The following RIMBP2 variants were observed in gnomAD, a reference collection of about 807,000 sequenced individuals.
RIMBP2 encodes the protein RIMS binding protein 2, also known as RIMS-binding protein 2.
A neutral mutation model predicts 118.6 loss-of-function variants in RIMBP2; 48 were observed. That is an observed-to-expected ratio of 0.40 (90% CI 0.32 to 0.51). The LOEUF is 0.51. Among genes scored for constraint, RIMBP2 ranks in the 20% least tolerant of loss-of-function variants. The pLI is 0.41. For synonymous variants in RIMBP2, 762 were observed against 742.9 expected, an observed-to-expected ratio of 1.03 and a Z score of -0.42; for missense variants, 1,551 against 1,768.3, an observed-to-expected ratio of 0.88 and a Z score of 2.20.
intron 2 of RIMBP2, among the ~76,000 whole-genome samples, chr12:130,583,770 C>T (rs1227330521): frequency 1.2e-5 from 1 of 85,602 alleles, no homozygotes; most frequent in Non-Finnish European, 2.5e-5. Context: ...ATCACCTCAT[C>T]ACCACCACCG....
At chr12:130,680,497 A>AG (rs2064727767) in intron 1 of RIMBP2, among the ~76,000 whole-genome samples, 2 of 152,216 alleles carry the variant, frequency 1.3e-5, no homozygotes, top group South Asian at 2.1e-4. Context: ...ACACACACTC[A>AG]GATACACACA....
chr12:130,416,549 C>T (rs1219208261), intron 17 of RIMBP2, among the ~76,000 whole-genome samples: 1 of 152,202 alleles, frequency 6.6e-6, no homozygotes, highest in Non-Finnish European at 1.5e-5. Flanking sequence ...GGACTCCTAC[C>T]TTTTACCATA....
intron 1 of RIMBP2, among the ~76,000 whole-genome samples, chr12:130,664,179 T>C (rs925995169): frequency 2.0e-5 from 3 of 151,794 alleles, no homozygotes; most frequent in South Asian, 4.1e-4. Context: ...CCCCTAGGAT[T>C]AAGCAGATAA....
intron 6 of RIMBP2, among the ~76,000 whole-genome samples, chr12:130,457,757 C>T (rs759408251): frequency 1.3e-5 from 2 of 152,256 alleles, no homozygotes; most frequent in Non-Finnish European, 2.9e-5. Flanking sequence ...CGATACTCTG[C>T]ATGGACTCAG....
chr12:130,399,864 A>C (rs762495970), intron 21 of RIMBP2, 51 bp from the exon 22 acceptor site: 5 of 1,602,438 alleles, frequency 3.1e-6, no homozygotes, highest in Non-Finnish European at 4.3e-6. Context: ...CTAGAAACCC[A>C]CATCTTGCTT....
At chr12:130,480,439 C>T (rs550223276) in intron 4 of RIMBP2, among the ~76,000 whole-genome samples, 1 of 152,340 alleles carries the variant, frequency 6.6e-6, no homozygotes, top group African/African-American at 2.4e-5. Flanking sequence ...CATCCGAGGG[C>T]CACACAGATG....
At chr12:130,645,492 G>C (rs932441764) in intron 1 of RIMBP2, among the ~76,000 whole-genome samples, 1 of 152,200 alleles carries the variant, frequency 6.6e-6, no homozygotes, top group African/African-American at 2.4e-5. Flanking sequence ...TAACCAGCCA[G>C]CACCTTCCAC....
intron 2 of RIMBP2, among the ~76,000 whole-genome samples, chr12:130,566,175 G>GCACACACACACACA (rs3047801): frequency 6.8e-6 from 1 of 148,124 alleles, no homozygotes; most frequent in African/African-American, 2.5e-5. Flanking sequence ...ATACACACAT[G>GCACACACACACACA]CACACACACA....
Position 130,470,683 on chromosome 12 carries a change from C to T in RIMBP2, c.153+10G>A, listed in dbSNP as rs535317521. 18 of 1,231,448 alleles carry T rather than the reference C, an allele frequency of 1.5e-5. No homozygotes were observed. The South Asian group carries it at 2.1e-4, about 14-fold the overall frequency. The allele number at this position is 1,231,448 out of a possible 1,614,324, so 76.3% of individuals were successfully genotyped here. A position where few individuals can be genotyped will look rare whatever the true frequency, so the allele number is the denominator to read the frequency against. On this transcript the variant is annotated intron_variant, in intron 6 of 22. Transcript: ENST00000690449. Reference sequence around the variant, plus strand: ...CACCCCCGGGCAGAAAGCAGGGGCACGCTCCTTACCTCTAGCAGCCGCACT... The same window carrying T: ...CACCCCCGGGCAGAAAGCAGGGGCATGCTCCTTACCTCTAGCAGCCGCACT...
chr12:130,410,717 T>C (rs2075645610), intron 19 of RIMBP2, among the ~76,000 whole-genome samples: 1 of 152,240 alleles, frequency 6.6e-6, no homozygotes, highest in African/African-American at 2.4e-5. Flanking sequence ...TTAATCTATG[T>C]TTCTATCCTT....
chr12:130,497,709 T>A (rs974001279), intron 4 of RIMBP2, among the ~76,000 whole-genome samples: 4 of 152,230 alleles, frequency 2.6e-5, no homozygotes, highest in African/African-American at 9.6e-5. Context: ...AAAAGCCCAA[T>A]GCGTTTTTTA....
In RIMBP2 at chr12:130,442,779, G is replaced by A; in HGVS notation, c.692-119C>T. On this transcript the variant is annotated intron_variant, in intron 10 of 22. Transcript: ENST00000690449. The surrounding 1 kb of genome is among the most constrained non-coding windows in gnomAD (Gnocchi z 6.9). ...GGCAGAGCAACAGGGTTGCCCTGGG[G>A]CTCCTCCGCTGTTCCCAGGAGTCCA... 2 of 804,170 alleles carry A rather than the reference G, an allele frequency of 2.5e-6. No homozygotes were observed. The highest frequency in any genetic ancestry group is 3.9e-6 in the Non-Finnish European group (2 of 515,906). The allele number at this position is 804,170 out of a possible 1,614,324, so 49.8% of individuals were successfully genotyped here. A position where few individuals can be genotyped will look rare whatever the true frequency, so the allele number is the denominator to read the frequency against.
chr12:130,439,285 G>A (rs2077825161), intron 11 of RIMBP2, among the ~76,000 whole-genome samples: 2 of 151,934 alleles, frequency 1.3e-5, no homozygotes, highest in Non-Finnish European at 2.9e-5. Flanking sequence ...TACATTGTGT[G>A]TGTATATGTG....
chr12:130,492,094 AG>A (rs2048699218), intron 4 of RIMBP2, among the ~76,000 whole-genome samples: 1 of 152,300 alleles, frequency 6.6e-6, no homozygotes, highest in African/African-American at 2.4e-5. Context: ...CCCAAATAGG[AG>A]CTAACGGTGA....
Position 130,434,593 on chromosome 12 carries a change from T to C in RIMBP2, c.2253+141A>G. On this transcript the variant is annotated intron_variant, in intron 14 of 22. Coordinates refer to ENST00000690449, the MANE Select transcript of RIMBP2 (RefSeq NM_001393629.1). The surrounding 1 kb of genome is among the most constrained non-coding windows in gnomAD (Gnocchi z 5.7). ...ATAAACTTCAGAAACCTAGCACGAC[T>C]TAGGACCCCAGCTGGGCGTCTCCAT... is the stretch of plus-strand genomic sequence containing the variant. 1.2e-6 allele frequency: 1 copy of C among 851,158 alleles called. No individual in the cohort carries two copies. The highest frequency in any genetic ancestry group is 1.8e-6 in the Non-Finnish European group (1 of 560,666). 52.7% of individuals were successfully genotyped at this position (851,158 alleles called of 1,614,324 possible).
At chr12:130,580,394 C>G (rs1380164399) in intron 2 of RIMBP2, among the ~76,000 whole-genome samples, 2 of 152,046 alleles carry the variant, frequency 1.3e-5, no homozygotes, top group Non-Finnish European at 2.9e-5. Flanking sequence ...TATGAAAGGG[C>G]AGTTCCCCTG....
At chr12:130,510,355 G>A (rs988294005) in intron 3 of RIMBP2, among the ~76,000 whole-genome samples, 5 of 151,622 alleles carry the variant, frequency 3.3e-5, no homozygotes, top group Admixed American at 2.6e-4. Context: ...GGGAACGAAT[G>A]GGTGTGTTGA....
chr12:130,684,012 A>T (rs947986874), intron 1 of RIMBP2, among the ~76,000 whole-genome samples: 1 of 152,140 alleles, frequency 6.6e-6, no homozygotes, highest in Admixed American at 6.5e-5. Flanking sequence ...GAGAGAATCA[A>T]CTAAGAGTCT....
intron 15 of RIMBP2, chr12:130,427,377 G>C (rs1444031333): frequency 6.6e-6 from 1 of 152,364 alleles, no homozygotes; most frequent in Admixed American, 6.5e-5. Context: ...CACAGGGCCT[G>C]GTGCATAGAG....
Sources: gnomAD v4.1 joint callset for allele counts (sites outside exome capture counted in the v4.1 genomes callset) on GRCh38, gnomAD v4.1.1 for gene constraint, Gnocchi (gnomAD v3.1) non-coding constraint, MANE v1.5 for transcripts, NCBI Gene and HGNC (gene_info 2026-07-23, HGNC 2026-07-21) for gene names.